GRAMD1B: variants seen among roughly 807,000 people sequenced by gnomAD.
The protein encoded by GRAMD1B is GRAM domain containing 1B, also known as protein Aster-B.
A neutral mutation model predicts 99.7 loss-of-function variants in GRAMD1B; 37 were observed. The observed-to-expected ratio is 0.37, with a 90% CI of 0.29 to 0.49. GRAMD1B has a LOEUF of 0.49. Ranked by LOEUF, GRAMD1B falls within the 20% of genes least tolerant of loss-of-function variation. The probability of loss-of-function intolerance (pLI) is 0.98; values close to 1 mark genes in which losing one functional copy is unlikely to be tolerated. For missense variants in GRAMD1B, 888 were observed against 1,009.2 expected, an observed-to-expected ratio of 0.88 and a Z score of 1.63; for synonymous variants, 427 against 387.6, an observed-to-expected ratio of 1.10 and a Z score of -1.19.
intron 1 of GRAMD1B, 55 bp from the exon 2 acceptor site, chr11:123,480,761 C>A: frequency 2.5e-6 from 1 of 398,754 alleles, no homozygotes; most frequent in South Asian, 1.3e-4. Flanking sequence ...GTGACCTCCC[C>A]CAGGGTTGAG....
chr11:123,532,992 C>T (rs2135570414), intron 2 of GRAMD1B, among the ~76,000 whole-genome samples: 1 of 152,268 alleles, frequency 6.6e-6, no homozygotes, highest in South Asian at 2.1e-4. Context: ...TGGATAAAAA[C>T]AAGTTTTGTT....
chr11:123,441,369 G>T (rs1949399437), intron 1 of GRAMD1B, among the ~76,000 whole-genome samples: 1 of 152,152 alleles, frequency 6.6e-6, no homozygotes, highest in Non-Finnish European at 1.5e-5. Flanking sequence ...CGGGTGTGGT[G>T]GTTCACGCCT....
At chr11:123,608,399 G>T in intron 11 of GRAMD1B, 9 of 1,090,236 alleles carry the variant, frequency 8.3e-6, no homozygotes, top group Non-Finnish European at 1.2e-5. Flanking sequence ...AAAGCAAATC[G>T]TACATTCCCA....
chr11:123,533,920 C>A (rs1943674556), intron 2 of GRAMD1B, among the ~76,000 whole-genome samples: 1 of 152,188 alleles, frequency 6.6e-6, no homozygotes, highest in Non-Finnish European at 1.5e-5. Context: ...AATTACAAAG[C>A]AACTGGAAGA....
chr11:123,621,909 TTTC>T (rs1955172283), intron 19 of GRAMD1B, among the ~76,000 whole-genome samples: 1 of 151,796 alleles, frequency 6.6e-6, no homozygotes, highest in South Asian at 2.1e-4. Context: ...TTTCTCTTTC[TTTC>T]TTTTCTTCTT....
At chr11:123,401,322 G>A (rs1310757655) in intron 1 of GRAMD1B, among the ~76,000 whole-genome samples, 5 of 152,184 alleles carry the variant, frequency 3.3e-5, no homozygotes, top group South Asian at 2.1e-4. Flanking sequence ...GAAGCATCCC[G>A]GTGACTCCTG....
Position 123,388,702 on chromosome 11 carries a change from CAA to C in GRAMD1B, c.-176+29905_-176+29906del, listed in dbSNP as rs1430872570. 1.1e-4 allele frequency among the ~76,000 whole-genome samples: 17 copies of C among 151,754 alleles called. No individual in the cohort carries two copies. In the South Asian group the frequency reaches 2.5e-3, roughly 22 times the overall value. On this transcript the variant is annotated intron_variant, in intron 1 of 20. Coordinates refer to the GRAMD1B transcript ENST00000638157. Reference sequence around the variant, plus strand: ...TGTTTCAAACAAACAAACAAACAAACAAACAAACAAACAAAGAAGAGGTCAGA... The same window carrying C: ...TGTTTCAAACAAACAAACAAACAAACACAAACAAACAAAGAAGAGGTCAGA...
chr11:123,498,432 G>A (rs1030753456), intron 2 of GRAMD1B, among the ~76,000 whole-genome samples: 8 of 152,236 alleles, frequency 5.3e-5, no homozygotes, highest in African/African-American at 1.4e-4. Flanking sequence ...GAGGGGAGGC[G>A]CTGGTGATTC....
intron 9 of GRAMD1B, 69 bp downstream of exon 9, chr11:123,603,610 A>C: frequency 1.2e-6 from 1 of 860,728 alleles, no homozygotes; most frequent in Non-Finnish European, 2.0e-6. Flanking sequence ...CCTGCCAGGC[A>C]GAGGGAACAG....
At position 123,591,503 on chromosome 11, in the gene GRAMD1B, G is replaced by A. The variant is rs1950640226; in HGVS notation, c.685-2579G>A. On this transcript the variant is annotated intron_variant, in intron 4 of 19. Transcript: ENST00000635736. The surrounding 1 kb of genome is among the most constrained non-coding windows in gnomAD (Gnocchi z 4.7). Reference sequence around the variant, plus strand: ...GCTTGGCCATGCACCTGCTGCCGCTGAACACCGTTGCTGGCACGGATCTGA... The same window carrying A: ...GCTTGGCCATGCACCTGCTGCCGCTAAACACCGTTGCTGGCACGGATCTGA... 5.0e-6 allele frequency: 2 copies of A among 398,894 alleles called. No individual in the cohort carries two copies. Among genetic ancestry groups the A allele is most frequent in the East Asian group, 3.6e-5 (1 of 28,082 alleles). The allele number at this position is 398,894 out of a possible 1,614,324, so 24.7% of individuals were successfully genotyped here.
chr11:123,572,499 G>C (rs2136165893), intron 2 of GRAMD1B, among the ~76,000 whole-genome samples: 1 of 152,318 alleles, frequency 6.6e-6, no homozygotes, highest in South Asian at 2.1e-4. Context: ...TAACTGGTAA[G>C]AGTTTCAGGA....
chr11:123,609,802 C>G lies in GRAMD1B; in HGVS notation c.1665C>G (p.Ile555Met), dbSNP rs772568357. ...FMEQRRFSDIIFHPWKKEENG... is the reference protein window; with the variant it reads ...FMEQRRFSDIMFHPWKKEENG... ...GCTCTCCTCTACCCTTAGATATCAT[C>G]TTCCATCCATGGAAAAAGGAGGAGA... Residue 555 changes from isoleucine (I) to methionine (M), a missense_variant, in exon 13 of 20, where the codon ATC becomes ATG. Ile to Met is a conservative substitution (Grantham distance 10, BLOSUM62 1). This residue lies in a region of GRAMD1B where 269 missense variants were observed against 296.6 expected (regional missense o/e 0.91). Coordinates refer to ENST00000635736, the MANE Select transcript of GRAMD1B (RefSeq NM_001387025.1). The G allele has an allele frequency of 1.2e-5, 19 of 1,560,286 alleles. No individual in the cohort carries two copies. Among genetic ancestry groups the G allele is most frequent in the Non-Finnish European group, 1.5e-5 (17 of 1,138,822 alleles).
intron 2 of GRAMD1B, chr11:123,560,683 CGTGTGTGTGTGTGTGTGTGTGTGTGT>C (rs749623875): frequency 3.3e-4 from 140 of 426,330 alleles, no homozygotes; most frequent in Non-Finnish European, 3.1e-4. Context: ...ACGCCTGGTG[CGTGTGTGTGTGTGTGTGTGTGTGTGT>C]GTGTGTGTGT....
At position 123,445,230 on chromosome 11, in the gene GRAMD1B, T is replaced by G. The variant is rs1235177099; in HGVS notation, c.374+14064T>G. On this transcript the variant is annotated intron_variant, in intron 1 of 19. Transcript: ENST00000635736. ...CAGGTATTTCTGCCACTTAACCTTG[T>G]CGTGTTCTTTTGCCCGCAGGAATGT... Among the ~76,000 whole-genome samples the G allele has an allele frequency of 2.0e-5, 3 of 152,194 alleles. No homozygotes were observed. The East Asian group carries it at 5.8e-4, about 29-fold the overall frequency.
At chr11:123,606,329 C>T (rs894684605) in intron 10 of GRAMD1B, among the ~76,000 whole-genome samples, 15 of 152,208 alleles carry the variant, frequency 9.9e-5, no homozygotes, top group African/African-American at 3.6e-4. Context: ...AGGTGCGGCT[C>T]CAGGAAAGGG....
chr11:123,411,823 T>A (rs940929520), intron 1 of GRAMD1B, among the ~76,000 whole-genome samples: 3 of 151,942 alleles, frequency 2.0e-5, no homozygotes, highest in Non-Finnish European at 4.4e-5. Context: ...AATTTTTGTA[T>A]TTTTTTGGTA....
chr11:123,458,535 TC>T (rs1950261241), intron 1 of GRAMD1B: 1 of 152,178 alleles, frequency 6.6e-6, no homozygotes, highest in Non-Finnish European at 1.5e-5. Flanking sequence ...TAGTCTTTAA[TC>T]CAGTCAAACT....
intron 1 of GRAMD1B, among the ~76,000 whole-genome samples, chr11:123,458,048 A>C (rs560337242): frequency 1.2e-4 from 19 of 152,202 alleles, no homozygotes; most frequent in Admixed American, 6.5e-5. Flanking sequence ...GTACCACTTT[A>C]TGCATGACTC....
intron 2 of GRAMD1B, among the ~76,000 whole-genome samples, chr11:123,529,018 T>C (rs1042808034): frequency 1.3e-5 from 2 of 152,220 alleles, no homozygotes; most frequent in Non-Finnish European, 2.9e-5. Flanking sequence ...ATTCATTTTC[T>C]CATCCATTTC....
Sources: allele counts gnomAD v4.1 joint callset (sites outside exome capture counted in the v4.1 genomes callset), GRCh38; gene constraint gnomAD v4.1.1; regional missense constraint gnomAD v4.1.1; non-coding constraint Gnocchi (gnomAD v3.1); transcripts MANE v1.5; gene names NCBI Gene and HGNC (gene_info 2026-07-23, HGNC 2026-07-21).